The following PSD3 variants were observed in gnomAD, a reference collection of about 807,000 sequenced individuals.
PSD3 encodes the protein PH and SEC7 domain-containing protein 3.
Under a neutral mutation model 105.5 loss-of-function variants are expected in PSD3, and 49 were observed. The ratio of observed to expected loss-of-function variants is 0.46; its 90% CI spans 0.37 to 0.59. The LOEUF is 0.59. PSD3 is among the 20% of genes least tolerant of loss of function. The pLI is 0.00. For missense variants in PSD3, 1,561 were observed against 1,263.8 expected, an observed-to-expected ratio of 1.24 and a Z score of -3.57; for synonymous variants, 557 against 457.8, an observed-to-expected ratio of 1.22 and a Z score of -2.77.
At chr8:18,971,309 T>C (rs528127479) in intron 1 of PSD3, among the ~76,000 whole-genome samples, 1 of 152,202 alleles carries the variant, frequency 6.6e-6, no homozygotes, top group Admixed American at 6.5e-5. Context: ...GCCAAGGTCC[T>C]GCCACACCAC....
At chr8:18,680,370 C>G (rs545919486) in intron 9 of PSD3, among the ~76,000 whole-genome samples, 163 of 152,230 alleles carry the variant, frequency 1.1e-3, no homozygotes, top group African/African-American at 3.6e-3. Flanking sequence ...CAATTAGAAT[C>G]TAATTGATTC....
intron 9 of PSD3, chr8:18,732,818 TTTTTTTTTTA>T (rs1290392435): frequency 6.8e-6 from 1 of 146,266 alleles, no homozygotes; most frequent in African/African-American, 2.6e-5. Context: ...CATTTCTTCC[TTTTTTTTTTA>T]TTTTTTTTTC....
At chr8:18,909,967 A>T (rs1360379231) in intron 2 of PSD3, among the ~76,000 whole-genome samples, 1 of 152,220 alleles carries the variant, frequency 6.6e-6, no homozygotes, top group Non-Finnish European at 1.5e-5. Context: ...AAAAAGTGGC[A>T]GGCTGGTGCC....
intron 14 of PSD3, among the ~76,000 whole-genome samples, chr8:18,559,125 G>A (rs926513996): frequency 1.3e-5 from 2 of 152,128 alleles, no homozygotes; most frequent in African/African-American, 4.8e-5. Flanking sequence ...ATCTGAGCAA[G>A]AGTTTTTCTA....
rs368312456 is a variant in PSD3, at chr8:18,622,451, A to C, written c.2410+10162T>G. The stretch of plus-strand genomic sequence containing the variant: ...CAGTTTTGTGCTGTGCTAGATGAGA[A>C]TTTAACAAACTTAACTATGCCATTC... On this transcript the variant is annotated intron_variant, in intron 11 of 15. Transcript: ENST00000327040. Among the ~76,000 whole-genome samples, 4 of 152,328 alleles carry C rather than the reference A, an allele frequency of 2.6e-5. No homozygotes were observed. In the East Asian group the frequency reaches 5.8e-4, roughly 22 times the overall value.
chr8:18,559,809 T>G (rs963822444), intron 14 of PSD3, among the ~76,000 whole-genome samples: 3 of 152,194 alleles, frequency 2.0e-5, no homozygotes, highest in Admixed American at 6.5e-5. Flanking sequence ...ATGTGCAACA[T>G]CTTATGTTTT....
chr8:19,065,935 T>TGGA (rs1829060835), intron 1 of PSD3, among the ~76,000 whole-genome samples: 1 of 152,198 alleles, frequency 6.6e-6, no homozygotes, highest in South Asian at 2.1e-4. Flanking sequence ...CTACCAGCCA[T>TGGA]GAATCAACTT....
intron 14 of PSD3, among the ~76,000 whole-genome samples, chr8:18,570,486 A>C (rs1348898773): frequency 6.8e-6 from 1 of 147,180 alleles, no homozygotes; most frequent in Non-Finnish European, 1.5e-5. Context: ...AATTAAACTA[A>C]AGAGCTTCTG....
chr8:18,927,757 T>C (rs1289033924), intron 2 of PSD3, among the ~76,000 whole-genome samples: 1 of 152,168 alleles, frequency 6.6e-6, no homozygotes, highest in Non-Finnish European at 1.5e-5. Flanking sequence ...ACCTAGGGGC[T>C]GACAGCCATC....
intron 4 of PSD3, among the ~76,000 whole-genome samples, chr8:18,842,455 C>T (rs535117983): frequency 2.0e-5 from 3 of 152,280 alleles, no homozygotes; most frequent in South Asian, 2.1e-4. Context: ...TGGCTTTGGC[C>T]GGGCGCGGTG....
At chr8:18,849,077 C>T (rs560846009) in intron 4 of PSD3, among the ~76,000 whole-genome samples, 2 of 152,292 alleles carry the variant, frequency 1.3e-5, no homozygotes, top group South Asian at 4.1e-4. Context: ...TTGGCCATAT[C>T]GCTGCCTCCA....
chr8:18,698,830 T>C (rs1351924294), intron 9 of PSD3, among the ~76,000 whole-genome samples: 1 of 152,224 alleles, frequency 6.6e-6, no homozygotes, highest in Non-Finnish European at 1.5e-5. Context: ...CTGTGTTAGC[T>C]TTTATATGCA....
chr8:18,820,847 G>C (rs773071604), intron 4 of PSD3, among the ~76,000 whole-genome samples: 61 of 137,510 alleles, frequency 4.4e-4, no homozygotes, highest in Non-Finnish European at 8.2e-4. Context: ...TCAGCCTCCT[G>C]GGCACAGGCA....
intron 14 of PSD3, among the ~76,000 whole-genome samples, chr8:18,561,037 C>T (rs1477616553): frequency 6.6e-6 from 1 of 152,122 alleles, no homozygotes; most frequent in Non-Finnish European, 1.5e-5. Context: ...GAAGGCTCCT[C>T]AAAAAACTAA....
At position 18,779,334 on chromosome 8, in the gene PSD3, T is replaced by G. The variant is rs1326357639; in HGVS notation, c.2083-13796A>C. On this transcript the variant is annotated intron_variant, in intron 8 of 15. Transcript: ENST00000327040. ...TTGGGATTTTATTTGTGTCTTCTTT[T>G]TTAATCTTGGTTAGTCTATCCAGCA... 2.0e-5 allele frequency among the ~76,000 whole-genome samples: 3 copies of G among 152,132 alleles called. No individual in the cohort carries two copies. The Middle Eastern group carries it at 9.5e-3, about 481-fold the overall frequency.
chr8:18,988,938 G>A (rs1446761118), intron 1 of PSD3, among the ~76,000 whole-genome samples: 2 of 152,188 alleles, frequency 1.3e-5, no homozygotes, highest in African/African-American at 4.8e-5. Flanking sequence ...AAAGCTGACT[G>A]CAAGCCAGGG....
chr8:18,765,759 A>C (rs969984131), intron 8 of PSD3, among the ~76,000 whole-genome samples: 1 of 152,010 alleles, frequency 6.6e-6, no homozygotes, highest in African/African-American at 2.4e-5. Flanking sequence ...GTTTAGCAGA[A>C]AGCCCGTCCA....
chr8:18,634,729 G>GC (rs1285336752), intron 10 of PSD3, among the ~76,000 whole-genome samples: 2 of 152,068 alleles, frequency 1.3e-5, no homozygotes, highest in African/African-American at 2.4e-5. Context: ...TAGACGTTAT[G>GC]CATTTTTTGG....
intron 11 of PSD3, among the ~76,000 whole-genome samples, chr8:18,618,040 C>G (rs1805824828): frequency 6.6e-6 from 1 of 152,194 alleles, no homozygotes; most frequent in East Asian, 1.9e-4. Context: ...TCTATTCCCT[C>G]TGAAGTCTAT....
Sources: gnomAD v4.1 joint callset for allele counts (sites outside exome capture counted in the v4.1 genomes callset) on GRCh38, gnomAD v4.1.1 for gene constraint, MANE v1.5 for transcripts, NCBI Gene and HGNC (gene_info 2026-07-23, HGNC 2026-07-21) for gene names.